ZNF385C: variants seen among roughly 807,000 people sequenced by gnomAD.
ZNF385C encodes CTD-2132N18.2.
In ZNF385C, 28 loss-of-function variants were observed where a neutral mutation model predicts 35.4. The ratio of observed to expected loss-of-function variants is 0.79; its 90% CI spans 0.59 to 1.08. ZNF385C has a LOEUF of 1.08. Ranked by LOEUF, ZNF385C falls within the 50% of genes least tolerant of loss-of-function variation. The pLI is 0.00. For missense variants in ZNF385C, 605 were observed against 595.6 expected (o/e 1.02, Z -0.16); for synonymous variants, 248 against 248.2 (o/e 1.00, Z 0.01).
intron 2 of ZNF385C, chr17:42,041,269 G>T: frequency 8.5e-7 from 1 of 1,172,680 alleles, no homozygotes; most frequent in Non-Finnish European, 1.1e-6. Flanking sequence ...GTGCGGGGTG[G>T]TGGAAAGAGC....
chr17:42,059,567 G>A (rs1360384773), intron 2 of ZNF385C, among the ~76,000 whole-genome samples: 1 of 152,166 alleles, frequency 6.6e-6, no homozygotes, highest in East Asian at 1.9e-4. Context: ...AGCCATCTGG[G>A]CAGCCTGTCT....
intron 1 of ZNF385C, among the ~76,000 whole-genome samples, chr17:42,066,343 C>T (rs1172032018): frequency 1.3e-5 from 2 of 152,170 alleles, no homozygotes; most frequent in Non-Finnish European, 2.9e-5. Flanking sequence ...CAAGCGTGAG[C>T]CACTGGTGCC....
intron 2 of ZNF385C, among the ~76,000 whole-genome samples, chr17:42,056,394 T>C (rs2053376880): frequency 6.6e-6 from 1 of 152,226 alleles, no homozygotes; most frequent in Non-Finnish European, 1.5e-5. Context: ...TTCTCAAACA[T>C]GGCTCAGTTG....
intron 6 of ZNF385C, 89 bp from the exon 7 acceptor site, chr17:42,028,335 C>A: frequency 7.5e-7 from 1 of 1,331,978 alleles, no homozygotes; most frequent in East Asian, 2.4e-5. Flanking sequence ...ATTTGGCTCT[C>A]CCTGTAAGCC....
intron 1 of ZNF385C, among the ~76,000 whole-genome samples, chr17:42,075,859 TC>T (rs1392375235): frequency 2.6e-5 from 4 of 151,970 alleles, no homozygotes; most frequent in African/African-American, 4.8e-5. Context: ...CAGCACAACC[TC>T]CCCCCATCTC....
intron 2 of ZNF385C, among the ~76,000 whole-genome samples, chr17:42,055,175 GA>G: frequency 6.6e-6 from 1 of 152,182 alleles, no homozygotes; most frequent in East Asian, 1.9e-4. Flanking sequence ...CATTCACAAA[GA>G]AGATCTGGGA....
Position 42,095,884 on chromosome 17 carries a change from C to A in ZNF385C, c.-3+2526G>T, listed in dbSNP as rs1555660911. Among the ~76,000 whole-genome samples, 1 of 152,114 alleles carries A rather than the reference C, an allele frequency of 6.6e-6. No individual in the cohort carries two copies. Among genetic ancestry groups the A allele is most frequent in the Non-Finnish European group, 1.5e-5 (1 of 68,014 alleles). On this transcript the variant is annotated intron_variant, in intron 1 of 8. Transcript: ENST00000692273. The surrounding 1 kb of genome is among the most constrained non-coding windows in gnomAD (Gnocchi z 4.4). ...ACTCACAGGGCCTGGGGCAAGGGGA[C>A]AAATGGCGGCCCACAGACATATGTC...
At chr17:42,044,195 C>T (rs931931366) in intron 2 of ZNF385C, among the ~76,000 whole-genome samples, 54 of 149,148 alleles carry the variant, frequency 3.6e-4, no homozygotes, top group African/African-American at 1.3e-3. Context: ...TGTCTAGTCC[C>T]AGCTACTGGG....
At chr17:42,091,171 A>G (rs1406426906) in intron 1 of ZNF385C, among the ~76,000 whole-genome samples, 2 of 151,862 alleles carry the variant, frequency 1.3e-5, no homozygotes, top group Non-Finnish European at 2.9e-5. Context: ...CATTACAGGC[A>G]TGAGCCTGTA....
At chr17:42,043,022 C>T in intron 2 of ZNF385C, 1 of 1,232,324 alleles carries the variant, frequency 8.1e-7, no homozygotes, top group Non-Finnish European at 1.0e-6. Flanking sequence ...ACCTTGACGC[C>T]CCTGGAGGCA....
At chr17:42,054,640 G>T (rs531319685) in intron 2 of ZNF385C, among the ~76,000 whole-genome samples, 29 of 150,200 alleles carry the variant, frequency 1.9e-4, no homozygotes, top group African/African-American at 6.9e-4. Flanking sequence ...GGAGTGCAGT[G>T]GCAAGATCTT....
At position 42,063,028 on chromosome 17, in the gene ZNF385C, G is replaced by A. The variant is rs782592604; in HGVS notation, c.29C>T (p.Pro10Leu). Residue 10 changes from proline to leucine, a missense_variant, in exon 2 of 9, where the codon CCG becomes CTG. Physicochemically the swap from Pro to Leu is moderately conservative, Grantham distance 98. Coordinates refer to ENST00000692273, the MANE Select transcript of ZNF385C (RefSeq NM_001392013.1). MKRPLSPPP[P>L]AEKETPISGA... ...AGATATGGGGGTCTCCTTCTCAGCC[G>A]GTGGGGGTGGGCTCAGTGGCCGCTT... is the stretch of plus-strand genomic sequence containing the variant. 4.5e-5 allele frequency: 30 copies of A among 667,668 alleles called. No individual in the cohort carries two copies. Among genetic ancestry groups the A allele is most frequent in the East Asian group, 3.3e-4 (12 of 36,146 alleles). 41.4% of individuals were successfully genotyped at this position (667,668 alleles called of 1,614,324 possible). A position where few individuals can be genotyped will look rare whatever the true frequency, so the allele number is the denominator to read the frequency against.
At position 42,083,083 on chromosome 17, in the gene ZNF385C, A is replaced by C. The variant is rs188646399; in HGVS notation, c.-3+15327T>G. ...TAGAATGAAACTCCTTCTCAAAAAA[A>C]CCAAAACAACAAAAAACAGTACCTC... is the stretch of plus-strand genomic sequence containing the variant. On this transcript the variant is annotated intron_variant, in intron 1 of 8. Transcript: ENST00000692273. Among the ~76,000 whole-genome samples the C allele has an allele frequency of 4.5e-3, 689 of 152,278 alleles. 5 individuals carry two copies. Among genetic ancestry groups the C allele is most frequent in the Non-Finnish European group, 8.3e-3 (562 of 68,012 alleles).
intron 2 of ZNF385C, among the ~76,000 whole-genome samples, chr17:42,057,127 G>A (rs1258234180): frequency 2.0e-5 from 3 of 151,648 alleles, no homozygotes; most frequent in East Asian, 1.9e-4. Flanking sequence ...AGAACAAGAC[G>A]TTGTCTCAAT....
chr17:42,076,547 G>A (rs958786531), intron 1 of ZNF385C, among the ~76,000 whole-genome samples: 5 of 152,094 alleles, frequency 3.3e-5, no homozygotes, highest in African/African-American at 4.8e-5. Flanking sequence ...GTGTGAACCC[G>A]GGGGGCGGAG....
chr17:42,059,621 G>GTTTGT (rs71370589), intron 2 of ZNF385C, among the ~76,000 whole-genome samples: 37 of 151,322 alleles, frequency 2.4e-4, no homozygotes, highest in African/African-American at 8.5e-4. Context: ...TTTTGTTGTT[G>GTTTGT]TTGTTTGTTT....
chr17:42,029,475 T>G (rs782523786), intron 5 of ZNF385C, among the ~76,000 whole-genome samples: 2 of 152,164 alleles, frequency 1.3e-5, no homozygotes, highest in African/African-American at 4.8e-5. Flanking sequence ...TCCGAGCACT[T>G]TGGGAGGCCG....
intron 1 of ZNF385C, among the ~76,000 whole-genome samples, chr17:42,070,571 C>T (rs1268941702): frequency 6.6e-6 from 1 of 152,138 alleles, no homozygotes; most frequent in East Asian, 1.9e-4. Flanking sequence ...TCCATGAATC[C>T]TCAGAACAAT....
intron 1 of ZNF385C, among the ~76,000 whole-genome samples, chr17:42,081,377 A>G (rs1046730715): frequency 3.9e-5 from 6 of 151,996 alleles, no homozygotes; most frequent in African/African-American, 1.5e-4. Context: ...CTGATGTCCA[A>G]GCTCCGCCCC....
Sources: gnomAD v4.1 joint callset for allele counts (sites outside exome capture counted in the v4.1 genomes callset) on GRCh38, gnomAD v4.1.1 for gene constraint, Gnocchi (gnomAD v3.1) non-coding constraint, MANE v1.5 for transcripts, NCBI Gene and HGNC (gene_info 2026-07-23, HGNC 2026-07-21) for gene names.